Variants in SCN1A observed in about 807,000 individuals in gnomAD.
SCN1A encodes the protein sodium channel protein type 1 subunit alpha.
A neutral mutation model predicts 193.7 loss-of-function variants in SCN1A; 13 were observed. That is an observed-to-expected ratio of 0.07 (90% CI 0.04 to 0.11). The LOEUF (loss-of-function observed/expected upper bound fraction) is 0.11. Ranked by LOEUF, SCN1A falls within the 10% of genes least tolerant of loss-of-function variation. The pLI is 1.00. For synonymous variants in SCN1A, 781 were observed against 843.6 expected (o/e 0.93, Z 1.29); for missense variants, 1,432 against 2,451.1 (o/e 0.58, Z 8.78).
chr2:166,018,987 A>C (rs1481653624), intron 19 of SCN1A, among the ~76,000 whole-genome samples: 1 of 152,170 alleles, frequency 6.6e-6, no homozygotes, highest in Non-Finnish European at 1.5e-5. Context: ...AAATATGTTA[A>C]ATGTTTCTGA....
In SCN1A at chr2:166,012,381, TAGG is replaced by T. The variant is rs1045199759; in HGVS notation, c.3706-102_3706-100del. Reference sequence around the variant, plus strand: ...ATATGCATATGACATTTCATTGGAATAGGAGGGCAGAGAAACAGTAGTTACTGT... The same window carrying T: ...ATATGCATATGACATTTCATTGGAATAGGGCAGAGAAACAGTAGTTACTGT... On this transcript the variant is annotated intron_variant, in intron 21 of 28. Transcript: ENST00000674923. 4.3e-6 allele frequency: 4 copies of T among 937,390 alleles called. No homozygotes were observed. In the African/African-American group the frequency reaches 6.8e-5, roughly 16 times the overall value. 58.1% of individuals were successfully genotyped at this position (937,390 alleles called of 1,614,324 possible). A position where few individuals can be genotyped will look rare whatever the true frequency, so the allele number is the denominator to read the frequency against.
chr2:166,142,221 G>T (rs1258631085), intron 1 of SCN1A, among the ~76,000 whole-genome samples: 3 of 152,170 alleles, frequency 2.0e-5, no homozygotes, highest in African/African-American at 7.2e-5. Context: ...GCATTCCCAA[G>T]GAATCCATGA....
intron 2 of SCN1A, among the ~76,000 whole-genome samples, chr2:166,101,747 T>G (rs371089895): frequency 1.2e-3 from 188 of 152,248 alleles, no homozygotes; most frequent in African/African-American, 4.0e-3. Flanking sequence ...ATTAAAGACT[T>G]AAATGTAAGA....
Position 166,045,096 on chromosome 2 carries a change from A to G in SCN1A, c.1609T>C (p.Ser537Pro). The G allele has an allele frequency of 1.2e-6, 2 of 1,614,144 alleles. No homozygotes were observed. Among genetic ancestry groups the G allele is most frequent in the African/African-American group, 2.7e-5 (2 of 75,030 alleles). ...DSIRRKGFRF[S>P]IEGNRLTYEK... is the part of the protein sequence containing the mutation. The stretch of plus-strand genomic sequence containing the variant: ...TATGTCAATCGGTTCCCTTCAATGG[A>G]GAAGCGAAAACCTTTCCTCCTGATG... The change falls in exon 13 of 29, where the codon TCC becomes CCC. Residue 537 changes from serine (S) to proline (P), a missense_variant. Ser to Pro is a moderately conservative substitution (Grantham distance 74). Transcript: ENST00000674923.
intron 14 of SCN1A, 72 bp downstream of exon 14, chr2:166,043,597 C>T (rs2105840840): frequency 6.7e-6 from 10 of 1,500,936 alleles, no homozygotes; most frequent in Non-Finnish European, 9.0e-6. Context: ...TCAAGGTTGC[C>T]GTTCTGTAGA....
In SCN1A at chr2:166,048,851, A is replaced by G. The variant is rs148126815; in HGVS notation, c.1028+35T>C. ...GATACACATATGTATGTGTACATAC[A>G]AATATACACAGATACACACAAATTA... On this transcript the variant is annotated intron_variant, in intron 10 of 28. Transcript: ENST00000674923. The G allele has an allele frequency of 2.9e-4, 392 of 1,349,532 alleles. 2 individuals are homozygous for G. The East Asian group carries it at 8.9e-3, about 31-fold the overall frequency. The allele number at this position is 1,349,532 out of a possible 1,614,324, so 83.6% of individuals were successfully genotyped here.
chr2:166,067,298 T>TAATA (rs893816300), intron 4 of SCN1A, among the ~76,000 whole-genome samples: 5 of 152,012 alleles, frequency 3.3e-5, no homozygotes, highest in African/African-American at 1.2e-4. Context: ...TGAATAATAA[T>TAATA]AATAAATAAA....
At chr2:166,084,361 CTT>C (rs1255190963) in intron 2 of SCN1A, among the ~76,000 whole-genome samples, 1 of 151,648 alleles carries the variant, frequency 6.6e-6, no homozygotes, top group Non-Finnish European at 1.5e-5. Flanking sequence ...CTAGAAGTAA[CTT>C]AATGTAAACC....
intron 2 of SCN1A, among the ~76,000 whole-genome samples, chr2:166,085,993 T>C (rs1233203242): frequency 2.0e-5 from 3 of 152,188 alleles, no homozygotes; most frequent in African/African-American, 4.8e-5. Flanking sequence ...ATTTTCTGTA[T>C]GTTATTTATC....
In SCN1A at chr2:166,043,780, A is replaced by G. The variant is rs769257218; in HGVS notation, c.1932T>C (p.Thr644=). The G allele has an allele frequency of 1.7e-5, 28 of 1,614,054 alleles. No individual in the cohort carries two copies. Among genetic ancestry groups the G allele is most frequent in the South Asian group, 5.5e-5 (5 of 91,086 alleles). The change falls in exon 14 of 29, where the codon ACT becomes ACC. Residue 644 remains threonine (T), a synonymous_variant. Coordinates refer to ENST00000674923, the MANE Select transcript of SCN1A (RefSeq NM_001165963.4). ...AGGAAACCACACCATTGCAATCCAC[A>G]GTGCTGTGCATCTTCCCATTCGCTG... is the stretch of plus-strand genomic sequence containing the variant. ...VFPANGKMHS[T]VDCNGVVSLV... is the part of the protein sequence containing the mutation.
At chr2:166,054,213 A>G (rs1241938257) in intron 7 of SCN1A, among the ~76,000 whole-genome samples, 1 of 152,024 alleles carries the variant, frequency 6.6e-6, no homozygotes, top group African/African-American at 2.4e-5. Flanking sequence ...TACCAAACCA[A>G]TAAAAGAAGC....
rs1450674953 is a variant in SCN1A at position 166,073,686 on chromosome 2, T to A, written c.-49-16A>T. 1.7e-5 allele frequency: 26 copies of A among 1,551,906 alleles called. No individual in the cohort carries two copies. Among genetic ancestry groups the A allele is most frequent in the South Asian group, 2.3e-5 (2 of 87,602 alleles). ...TATGAAATTCCTAAAATAAAAGGAA[T>A]ACAGATATTTTAAAGAGTGGACTAA... On this transcript the variant is annotated splice_polypyrimidine_tract_variant and intron_variant, in intron 3 of 28. Transcript: ENST00000674923.
intron 2 of SCN1A, among the ~76,000 whole-genome samples, chr2:166,091,124 C>T (rs1686755498): frequency 6.6e-6 from 1 of 152,198 alleles, no homozygotes; most frequent in Non-Finnish European, 1.5e-5. Flanking sequence ...GAAAGTTACA[C>T]AATGGATAGC....
intron 2 of SCN1A, among the ~76,000 whole-genome samples, chr2:166,093,766 T>C (rs1687079708): frequency 6.6e-6 from 1 of 152,208 alleles, no homozygotes; most frequent in African/African-American, 2.4e-5. Flanking sequence ...TTCTTAACTT[T>C]TGTTTTAAAA....
intron 21 of SCN1A, among the ~76,000 whole-genome samples, chr2:166,012,917 A>G (rs1264689863): frequency 6.6e-6 from 1 of 151,228 alleles, no homozygotes; most frequent in Non-Finnish European, 1.5e-5. Flanking sequence ...ACGGTGAAAG[A>G]CTTCTAAAGT....
intron 2 of SCN1A, among the ~76,000 whole-genome samples, chr2:166,100,077 A>G (rs1430694223): frequency 7.8e-6 from 1 of 129,006 alleles, no homozygotes; most frequent in African/African-American, 2.7e-5. Context: ...CCAAAAGAAC[A>G]AAGCTGGAGG....
chr2:166,059,073 A>T (rs1027048265), intron 4 of SCN1A, among the ~76,000 whole-genome samples: 3 of 152,136 alleles, frequency 2.0e-5, no homozygotes, highest in African/African-American at 7.2e-5. Context: ...AGCTTTCCCA[A>T]TTCAAATATC....
chr2:166,030,350 T>A (rs187740476), intron 19 of SCN1A, among the ~76,000 whole-genome samples: 76 of 152,242 alleles, frequency 5.0e-4, no homozygotes, highest in Admixed American at 1.9e-3. Flanking sequence ...CCTCCAATAG[T>A]ACTTTGTCCA....
chr2:166,039,133 T>G (rs1389193893), intron 17 of SCN1A, among the ~76,000 whole-genome samples: 1 of 152,194 alleles, frequency 6.6e-6, no homozygotes, highest in Non-Finnish European at 1.5e-5. Context: ...ATTAAAAATA[T>G]TTTCTTAGGT....
Sources: allele counts gnomAD v4.1 joint callset (sites outside exome capture counted in the v4.1 genomes callset), GRCh38; gene constraint gnomAD v4.1.1; transcripts MANE v1.5; gene names NCBI Gene and HGNC (gene_info 2026-07-23, HGNC 2026-07-21).